MYO16: variants seen among roughly 807,000 people sequenced by gnomAD.
MYO16 encodes myosin XVI.
MYO16 carries 94 observed loss-of-function variants against 205.3 expected under a neutral mutation model. The ratio of observed to expected loss-of-function variants is 0.46; its 90% CI spans 0.39 to 0.54. MYO16 has a LOEUF of 0.54. MYO16 is among the 20% of genes least tolerant of loss of function. The pLI, the probability that MYO16 is intolerant of heterozygous loss-of-function variation, is 0.00. For missense variants in MYO16, 2,315 were observed against 2,387.5 expected (o/e 0.97, Z 0.63); for synonymous variants, 988 against 954.0 (o/e 1.04, Z -0.66).
rs139388271 is a variant in MYO16, at chr13:108,992,517, C to A, written c.2442+69C>A. On this transcript the variant is annotated intron_variant, in intron 21 of 34. Transcript: ENST00000457511. ...TTGAAACTAAGTTCTTTTTTTAATT[C>A]TGTAAAGACAGTGTAACTACTTACA... is the stretch of plus-strand genomic sequence containing the variant. The A allele has an allele frequency of 2.6e-5, 25 of 965,640 alleles. No homozygotes were observed. The East Asian group carries it at 5.5e-4, about 21-fold the overall frequency. 59.8% of individuals were successfully genotyped at this position (965,640 alleles called of 1,614,324 possible). A position where few individuals can be genotyped will look rare whatever the true frequency, so the allele number is the denominator to read the frequency against.
intron 2 of MYO16, among the ~76,000 whole-genome samples, chr13:108,697,108 T>C (rs1259669016): frequency 1.3e-5 from 2 of 152,196 alleles, no homozygotes; most frequent in Admixed American, 6.5e-5. Flanking sequence ...AATGAGTGAA[T>C]ATCTGTGATG....
At chr13:109,038,804 TAC>T (rs1236181206) in intron 23 of MYO16, among the ~76,000 whole-genome samples, 1 of 152,180 alleles carries the variant, frequency 6.6e-6, no homozygotes, top group East Asian at 1.9e-4. Context: ...TTATTGAAAT[TAC>T]AGTTTTCCTT....
intron 34 of MYO16, among the ~76,000 whole-genome samples, chr13:109,195,315 T>C (rs182344599): frequency 6.6e-6 from 1 of 152,282 alleles, no homozygotes; most frequent in Admixed American, 6.5e-5. Context: ...CAAGAATGAA[T>C]TTAATTGTAT....
intron 27 of MYO16, among the ~76,000 whole-genome samples, chr13:109,068,486 C>T (rs1276871539): frequency 8.2e-5 from 12 of 145,700 alleles, no homozygotes; most frequent in East Asian, 2.0e-4. Context: ...CATGGCTATA[C>T]GCCTGGGGTG....
chr13:108,563,322 G>T, the MYO16 span, among the ~76,000 whole-genome samples: 1 of 152,064 alleles, frequency 6.6e-6, no homozygotes, highest in East Asian at 1.9e-4. Context: ...TATCCTTTGT[G>T]TTTCAAACAA....
chr13:109,203,239 TAGTC>T (rs1466636165), intron 34 of MYO16, among the ~76,000 whole-genome samples: 2 of 152,194 alleles, frequency 1.3e-5, no homozygotes, highest in African/African-American at 4.8e-5. Flanking sequence ...GCAAAAGGAA[TAGTC>T]AGCAGCATAA....
At chr13:108,937,043 T>C (rs1372273819) in intron 16 of MYO16, among the ~76,000 whole-genome samples, 1 of 152,214 alleles carries the variant, frequency 6.6e-6, no homozygotes, top group African/African-American at 2.4e-5. Context: ...CTGGCCTATG[T>C]GTAATGAATT....
intron 12 of MYO16, among the ~76,000 whole-genome samples, chr13:108,869,731 T>TAAAAAAAAAAAAAAAAAAAA (rs68025820): frequency 1.5e-5 from 1 of 67,024 alleles, no homozygotes; most frequent in Non-Finnish European, 2.8e-5. Flanking sequence ...ACTCCGTTTC[T>TAAAAAAAAAAAAAAAAAAAA]AAAAAAAAAA....
intron 4 of MYO16, among the ~76,000 whole-genome samples, chr13:108,739,852 T>G (rs990079435): frequency 6.7e-6 from 1 of 150,216 alleles, no homozygotes; most frequent in African/African-American, 2.5e-5. Flanking sequence ...CACTTTTTTC[T>G]CTAAACTTCT....
chr13:109,023,660 T>TATATACAAATATATGTATATATGC (rs1886216953), intron 23 of MYO16, among the ~76,000 whole-genome samples: 1 of 96,722 alleles, frequency 1.0e-5, no homozygotes, highest in Non-Finnish European at 2.1e-5. Flanking sequence ...TGTATATATG[T>TATATACAAATATATGTATATATGC]ATATATGCAA....
At chr13:108,562,025 A>G in the MYO16 span, among the ~76,000 whole-genome samples, 1 of 152,228 alleles carries the variant, frequency 6.6e-6, no homozygotes, top group East Asian at 1.9e-4. Context: ...CACAGAAGGT[A>G]TCTGTCTTAT....
chr13:108,823,725 AC>A (rs1393700262), intron 9 of MYO16, among the ~76,000 whole-genome samples: 1 of 152,138 alleles, frequency 6.6e-6, no homozygotes, highest in Non-Finnish European at 1.5e-5. Context: ...AAATGGATTG[AC>A]ATCATTTTCA....
intron 32 of MYO16, among the ~76,000 whole-genome samples, chr13:109,150,379 A>G (rs181976382): frequency 1.7e-3 from 252 of 152,270 alleles, no homozygotes; most frequent in African/African-American, 5.5e-3. Flanking sequence ...TCTCGTGACT[A>G]TGCTGTTCCC....
intron 4 of MYO16, among the ~76,000 whole-genome samples, chr13:108,776,325 A>G (rs977321709): frequency 6.6e-6 from 1 of 152,192 alleles, no homozygotes; most frequent in Non-Finnish European, 1.5e-5. Context: ...TAGATTACAT[A>G]GAGAGGTGGA....
chr13:108,596,560 AT>A (rs1285760768), intron 1 of MYO16, among the ~76,000 whole-genome samples: 1 of 152,154 alleles, frequency 6.6e-6, no homozygotes, highest in Non-Finnish European at 1.5e-5. Context: ...AAAAAAAGTG[AT>A]TTTTTTCAGG....
chr13:108,795,164 T>G (rs1023847755), intron 6 of MYO16, among the ~76,000 whole-genome samples: 1 of 150,512 alleles, frequency 6.6e-6, no homozygotes, highest in African/African-American at 2.4e-5. Context: ...ATGTTATAGT[T>G]GTATAGGCTT....
In MYO16 at chr13:109,156,597, G is replaced by A. The variant is rs150438090; in HGVS notation, c.5165-8304G>A. On this transcript the variant is annotated intron_variant, in intron 32 of 34. Coordinates refer to ENST00000457511, the MANE Select transcript of MYO16 (RefSeq NM_001198950.3). Reference sequence around the variant, plus strand: ...AATACACTCTAATCTGATCTCTAGCGCAGGTACCTAAGAGAAAAGTGGTGT... The same window carrying A: ...AATACACTCTAATCTGATCTCTAGCACAGGTACCTAAGAGAAAAGTGGTGT... 3.3e-3 allele frequency among the ~76,000 whole-genome samples: 504 copies of A among 152,266 alleles called. 2 individuals are homozygous for A. Among genetic ancestry groups the A allele is most frequent in the African/African-American group, 0.012 (487 of 41,562 alleles).
At chr13:108,660,507 C>T (rs1881454766) in intron 1 of MYO16, among the ~76,000 whole-genome samples, 1 of 152,152 alleles carries the variant, frequency 6.6e-6, no homozygotes, top group Non-Finnish European at 1.5e-5. Context: ...TTGGGCAAGG[C>T]CTTTTACCAT....
chr13:109,190,165 C>A (rs9521200), intron 34 of MYO16, among the ~76,000 whole-genome samples: 76,453 of 152,040 alleles, frequency 0.5, 20,210 homozygotes, highest in African/African-American at 0.64. Flanking sequence ...TATTTTACTG[C>A]TATCTGCCAT....
Sources: allele counts gnomAD v4.1 joint callset (sites outside exome capture counted in the v4.1 genomes callset), GRCh38; gene constraint gnomAD v4.1.1; transcripts MANE v1.5; gene names NCBI Gene and HGNC (gene_info 2026-07-23, HGNC 2026-07-21).